RNF152: variants seen among roughly 807,000 people sequenced by gnomAD.
RNF152 encodes ring finger protein 152.
Under a neutral mutation model 12.7 loss-of-function variants are expected in RNF152, and 11 were observed. The ratio of observed to expected loss-of-function variants is 0.86; its 90% CI spans 0.54 to 1.43. RNF152 has a LOEUF of 1.43. RNF152 is among the 40% of genes most tolerant of loss of function. RNF152 has a pLI of 0.00. For synonymous variants in RNF152, 113 were observed against 120.3 expected (o/e 0.94, Z 0.40); for missense variants, 255 against 274.8 (o/e 0.93, Z 0.51).
chr18:61,855,331 A>G (rs1455647701), intron 1 of RNF152, among the ~76,000 whole-genome samples: 2 of 152,262 alleles, frequency 1.3e-5, no homozygotes, highest in African/African-American at 2.4e-5. Context: ...CATTATTTTG[A>G]TGATATCATA....
At chr18:61,835,290 T>TA (rs1910129150) in intron 1 of RNF152, among the ~76,000 whole-genome samples, 1 of 152,244 alleles carries the variant, frequency 6.6e-6, no homozygotes, top group African/African-American at 2.4e-5. Context: ...CTGACTAGAC[T>TA]ACGTCTCTCC....
chr18:61,816,509 A>C lies in RNF152; in HGVS notation c.-46T>G, dbSNP rs1203836723. 9.0e-6 allele frequency: 14 copies of C among 1,557,476 alleles called. No homozygotes were observed. The highest frequency in any genetic ancestry group is 1.8e-5 in the Admixed American group (1 of 56,434). On this transcript the variant is annotated 5_prime_UTR_variant, in exon 2 of 2. Transcript: ENST00000312828. ...GGCAAGGCCAAGGTGAAGGGGAAGG[A>C]GCTGCTTCTCAGAGGCCACCGCCCT...
intron 1 of RNF152, among the ~76,000 whole-genome samples, chr18:61,838,747 G>A (rs557786797): frequency 4.6e-5 from 7 of 152,114 alleles, no homozygotes; most frequent in Non-Finnish European, 1.0e-4. Flanking sequence ...TTCAAAGTGC[G>A]ACTGCAGGCC....
intron 1 of RNF152, among the ~76,000 whole-genome samples, chr18:61,867,360 G>C (rs1911781666): frequency 6.6e-6 from 1 of 151,992 alleles, no homozygotes; most frequent in African/African-American, 2.4e-5. Context: ...GCTGAGGCAG[G>C]AGAATCACTT....
At chr18:61,850,109 T>A (rs1252312381) in intron 1 of RNF152, among the ~76,000 whole-genome samples, 1 of 152,244 alleles carries the variant, frequency 6.6e-6, no homozygotes, top group Non-Finnish European at 1.5e-5. Context: ...AAGGCAATAA[T>A]ACGGTAGTGT....
At chr18:61,816,805 T>A (rs1909118881) in intron 1 of RNF152, among the ~76,000 whole-genome samples, 1 of 152,210 alleles carries the variant, frequency 6.6e-6, no homozygotes. Context: ...TGGCAAATAC[T>A]TAGTTCATTT....
chr18:61,843,921 A>G (rs1468683279), intron 1 of RNF152, among the ~76,000 whole-genome samples: 1 of 151,924 alleles, frequency 6.6e-6, no homozygotes, highest in Non-Finnish European at 1.5e-5. Flanking sequence ...CCACCACTGA[A>G]CTGTATACTT....
rs1441613918 is a variant in RNF152 at position 61,815,934 on chromosome 18, C to G, written c.530G>C (p.Cys177Ser). Residue 177 changes from cysteine (C) to serine (S), a missense_variant, in exon 2 of 2, where the codon TGC becomes TCC. Transcript: ENST00000312828. ...GATGCCGAGGAGGAAGACCAAGACG[C>G]AAGCCACCAAGATGACAGTGCACAC... ...SGVCTVILVA[C>S]VLVFLLGIVL... The G allele has an allele frequency of 2.5e-6, 4 of 1,614,096 alleles. No homozygotes were observed. The highest frequency in any genetic ancestry group is 2.7e-5 in the African/African-American group (2 of 74,940).
At chr18:61,877,887 A>C (rs1255305217) in intron 1 of RNF152, among the ~76,000 whole-genome samples, 1 of 152,166 alleles carries the variant, frequency 6.6e-6, no homozygotes, top group Non-Finnish European at 1.5e-5. Context: ...AACACCCCCA[A>C]ATCTGAGTGG....
At position 61,815,883 on chromosome 18, in the gene RNF152, G is replaced by A. The variant is rs1265888991; in HGVS notation, c.581C>T (p.Ser194Phe). The change falls in exon 2 of 2, where the codon TCT becomes TTT. Residue 194 changes from serine to phenylalanine, a missense_variant. Ser to Phe is a radical substitution (Grantham distance 155). Transcript: ENST00000312828. Reference protein sequence around the residue: ...GIVLHNMSCISKRFTVISCG With the variant: ...GIVLHNMSCIFKRFTVISCG ...ACAGGATATCACAGTGAAGCGCTTA[G>A]AAATGCAAGACATGTTGTGAAGCAC... The A allele has an allele frequency of 6.2e-7, 1 of 1,614,206 alleles. No homozygotes were observed. Among genetic ancestry groups the A allele is most frequent in the Admixed American group, 1.7e-5 (1 of 60,026 alleles).
chr18:61,844,798 G>A lies in RNF152; in HGVS notation c.-135-28200C>T, dbSNP rs4473290. ...ATGAAACTTGATTTATCAAGGGAAGGTGCAAAATGCATTTTAACCTAGTTT... is the reference window on the plus strand; with the variant it reads ...ATGAAACTTGATTTATCAAGGGAAGATGCAAAATGCATTTTAACCTAGTTT... On this transcript the variant is annotated intron_variant, in intron 1 of 1. Coordinates refer to ENST00000312828, the MANE Select transcript of RNF152 (RefSeq NM_173557.3). Among the ~76,000 whole-genome samples the A allele has an allele frequency of 2.4e-3, 372 of 152,082 alleles. 1 individual carries two copies. The highest frequency in any genetic ancestry group is 8.6e-3 in the African/African-American group (357 of 41,466).
rs951060064 is a variant in RNF152 at position 61,813,425 on chromosome 18, C to T, written c.*2427G>A. On this transcript the variant is annotated 3_prime_UTR_variant, in exon 2 of 2. Coordinates refer to ENST00000312828, the MANE Select transcript of RNF152 (RefSeq NM_173557.3). The stretch of plus-strand genomic sequence containing the variant: ...GGTCAGTAAGACTCACAAAAAAAAT[C>T]TGATTTTGGTTGTTGTTGTTAAATT... The T allele has an allele frequency of 2.0e-5, 3 of 152,072 alleles. No individual in the cohort carries two copies. Among genetic ancestry groups the T allele is most frequent in the Admixed American group, 6.6e-5 (1 of 15,262 alleles). The allele number at this position is 152,072 out of a possible 1,614,324, so 9.4% of individuals were successfully genotyped here. A position where few individuals can be genotyped will look rare whatever the true frequency, so the allele number is the denominator to read the frequency against.
chr18:61,863,150 C>T (rs1463413920), intron 1 of RNF152, among the ~76,000 whole-genome samples: 1 of 152,064 alleles, frequency 6.6e-6, no homozygotes, highest in East Asian at 1.9e-4. Flanking sequence ...AAAAGTAGTC[C>T]CTTAGCCAGG....
intron 1 of RNF152, among the ~76,000 whole-genome samples, chr18:61,870,977 A>G (rs970762909): frequency 1.4e-4 from 22 of 152,044 alleles, no homozygotes; most frequent in Non-Finnish European, 2.8e-4. Flanking sequence ...CCCCGACCCC[A>G]TCCTGATAAT....
intron 1 of RNF152, among the ~76,000 whole-genome samples, chr18:61,821,063 G>A (rs969459587): frequency 1.3e-4 from 20 of 152,172 alleles, no homozygotes; most frequent in Non-Finnish European, 2.9e-4. Context: ...CTGCACTGAG[G>A]CACATATCTG....
chr18:61,876,376 A>C (rs796841029), intron 1 of RNF152, among the ~76,000 whole-genome samples: 76 of 152,340 alleles, frequency 5.0e-4, no homozygotes, highest in African/African-American at 1.8e-3. Context: ...ACTTTCTGAC[A>C]TGGAAGCATT....
chr18:61,843,582 A>C (rs572492147), intron 1 of RNF152, among the ~76,000 whole-genome samples: 13 of 152,340 alleles, frequency 8.5e-5, no homozygotes, highest in African/African-American at 2.9e-4. Context: ...ATGGCAAAGC[A>C]AAATATGGTA....
chr18:61,882,717 C>A (rs1436899544), intron 1 of RNF152, among the ~76,000 whole-genome samples: 1 of 152,128 alleles, frequency 6.6e-6, no homozygotes. Flanking sequence ...AATTGGAGCC[C>A]AGCTCCTGAG....
chr18:61,831,708 C>T (rs1051566912), intron 1 of RNF152, among the ~76,000 whole-genome samples: 9 of 152,088 alleles, frequency 5.9e-5, no homozygotes, highest in Non-Finnish European at 1.2e-4. Context: ...ACAAAAACCA[C>T]TGTAAATACA....
Sources: gnomAD v4.1 joint callset for allele counts (sites outside exome capture counted in the v4.1 genomes callset) on GRCh38, gnomAD v4.1.1 for gene constraint, MANE v1.5 for transcripts, NCBI Gene and HGNC (gene_info 2026-07-23, HGNC 2026-07-21) for gene names.